DDX46: variants seen among roughly 807,000 people sequenced by gnomAD.
DDX46 encodes DEAD-box helicase 46.
In DDX46, 30 loss-of-function variants were observed where a neutral mutation model predicts 134.9. The observed-to-expected ratio is 0.22, with a 90% confidence interval of 0.17 to 0.30. DDX46 has a LOEUF of 0.30. Among genes scored for constraint, DDX46 ranks in the 10% least tolerant of loss-of-function variants. The pLI is 1.00. For missense variants in DDX46, 622 were observed against 1,248.7 expected, an observed-to-expected ratio of 0.50 and a Z score of 7.56; for synonymous variants, 415 against 404.1, an observed-to-expected ratio of 1.03 and a Z score of -0.32.
chr5:134,785,347 A>C, intron 10 of DDX46, 118 bp from the exon 11 acceptor site: 1 of 1,320,208 alleles, frequency 7.6e-7, no homozygotes, highest in Non-Finnish European at 9.9e-7. Context: ...AGGGATGCAT[A>C]ACAAAACAAA....
At chr5:134,820,466 G>T (rs193051942) in intron 21 of DDX46, among the ~76,000 whole-genome samples, 1 of 151,582 alleles carries the variant, frequency 6.6e-6, no homozygotes, top group South Asian at 2.1e-4. Context: ...GGTTTCACGC[G>T]ATTCTTGTGC....
intron 7 of DDX46, 112 bp downstream of exon 7, chr5:134,781,358 A>C: frequency 1.3e-6 from 1 of 774,672 alleles, no homozygotes. Context: ...AATTCCCAGA[A>C]TTGAGAGACA....
chr5:134,822,964 G>C (rs1453060300), intron 21 of DDX46, among the ~76,000 whole-genome samples: 1 of 152,094 alleles, frequency 6.6e-6, no homozygotes. Flanking sequence ...AGGAAATAAA[G>C]AGAAGCTACA....
At chr5:134,775,374 C>G (rs1753901980) in intron 5 of DDX46, among the ~76,000 whole-genome samples, 1 of 151,980 alleles carries the variant, frequency 6.6e-6, no homozygotes, top group African/African-American at 2.4e-5. Context: ...GGTCCATTGT[C>G]TGTGAAAGTT....
intron 13 of DDX46, among the ~76,000 whole-genome samples, chr5:134,793,438 CAG>C (rs1486345955): frequency 6.6e-6 from 1 of 152,038 alleles, no homozygotes; most frequent in African/African-American, 2.4e-5. Context: ...TATTTTGAGA[CAG>C]AGTTTCACTC....
intron 15 of DDX46, among the ~76,000 whole-genome samples, chr5:134,806,963 C>T (rs1755006053): frequency 6.6e-6 from 1 of 151,938 alleles, no homozygotes; most frequent in South Asian, 2.1e-4. Context: ...ATTCCTAAAA[C>T]TTTAATTTGC....
chr5:134,810,586 A>AC (rs1450705734), intron 16 of DDX46, among the ~76,000 whole-genome samples: 8 of 145,504 alleles, frequency 5.5e-5, no homozygotes, highest in East Asian at 2.2e-4. Context: ...CAAATGATCC[A>AC]CCCCCCCTTG....
At chr5:134,777,399 T>C (rs1753978589) in intron 5 of DDX46, among the ~76,000 whole-genome samples, 175 bp from the exon 6 acceptor site, 1 of 152,226 alleles carries the variant, frequency 6.6e-6, no homozygotes, top group Admixed American at 6.5e-5. Flanking sequence ...ACATGCTTCA[T>C]GTAAAAATGG....
intron 4 of DDX46, 45 bp downstream of exon 4, chr5:134,771,044 C>A: frequency 1.3e-6 from 1 of 752,688 alleles, no homozygotes; most frequent in Non-Finnish European, 2.1e-6. Context: ...TTCTTTTTGT[C>A]TTTCTTTCTT....
intron 19 of DDX46, 60 bp downstream of exon 19, chr5:134,816,666 T>G: frequency 6.6e-7 from 1 of 1,525,180 alleles, no homozygotes; most frequent in Non-Finnish European, 8.9e-7. Context: ...ATTTTACTTT[T>G]CAGGAATTAT....
chr5:134,782,622 C>A (rs565355903), intron 8 of DDX46, among the ~76,000 whole-genome samples: 3 of 152,044 alleles, frequency 2.0e-5, no homozygotes, highest in Admixed American at 1.3e-4. Context: ...CCACACCCCC[C>A]GTTCCCACCC....
chr5:134,783,124 A>G (rs936253831), intron 9 of DDX46, 59 bp downstream of exon 9: 6 of 1,572,694 alleles, frequency 3.8e-6, no homozygotes, highest in Admixed American at 3.6e-5. Flanking sequence ...TAGTCCTTCC[A>G]CACCAGTGTC....
intron 4 of DDX46, among the ~76,000 whole-genome samples, chr5:134,773,064 T>A (rs957232979): frequency 4.0e-5 from 6 of 151,842 alleles, no homozygotes; most frequent in Admixed American, 3.9e-4. Flanking sequence ...CTTCCCACAG[T>A]GCTGGGATTA....
At chr5:134,788,043 A>G (rs77072873) in intron 11 of DDX46, among the ~76,000 whole-genome samples, 1 of 151,704 alleles carries the variant, frequency 6.6e-6, no homozygotes, top group Non-Finnish European at 1.5e-5. Context: ...AAAAAAAAAA[A>G]AGCTGATTAT....
chr5:134,800,819 G>T (rs1754804555), intron 15 of DDX46, among the ~76,000 whole-genome samples: 1 of 152,154 alleles, frequency 6.6e-6, no homozygotes, highest in African/African-American at 2.4e-5. Flanking sequence ...GGGATTACCG[G>T]CATGTGCCAC....
intron 5 of DDX46, 100 bp from the exon 6 acceptor site, chr5:134,777,474 G>A: frequency 7.5e-7 from 1 of 1,339,946 alleles, no homozygotes; most frequent in Non-Finnish European, 1.0e-6. Context: ...AGGGGTGTTT[G>A]GGCAGTGGCA....
chr5:134,821,244 A>G (rs898159709), intron 21 of DDX46, among the ~76,000 whole-genome samples: 1 of 151,054 alleles, frequency 6.6e-6, no homozygotes, highest in Non-Finnish European at 1.5e-5. Flanking sequence ...GGATTTCACC[A>G]TGTTAGCCAG....
In DDX46 at chr5:134,777,613, A is replaced by G; in HGVS notation, c.653A>G (p.Asn218Ser). ...DDPAEAEKEG[N>S]EMEGEELDPL... ...CCTGCAGAAGCTGAAAAGGAGGGAA[A>G]TGAAATGGAGGGTGAGGAGTTAGAT... The change falls in exon 6 of 23, where the codon AAT (asparagine) becomes AGT (serine). Residue 218 changes from asparagine to serine, a missense_variant. Asn to Ser is a conservative substitution (Grantham distance 46, BLOSUM62 1). Around this residue, in one of 8 missense-constraint regions of DDX46, gnomAD observed 244 missense variants for 349.3 expected, o/e 0.70. Transcript: ENST00000452510. The G allele has an allele frequency of 6.2e-7, 1 of 1,613,562 alleles. No homozygotes were observed. The highest frequency in any genetic ancestry group is 1.1e-5 in the South Asian group (1 of 91,006).
intron 21 of DDX46, among the ~76,000 whole-genome samples, chr5:134,823,157 CTT>C (rs201053941): frequency 2.0e-4 from 22 of 111,214 alleles, no homozygotes; most frequent in African/African-American, 6.4e-4. Flanking sequence ...TTAATTTCAT[CTT>C]TTTTTTTTTT....
Sources: allele counts gnomAD v4.1 joint callset (sites outside exome capture counted in the v4.1 genomes callset), GRCh38; gene constraint gnomAD v4.1.1; regional missense constraint gnomAD v4.1.1; transcripts MANE v1.5; gene names NCBI Gene and HGNC (gene_info 2026-07-23, HGNC 2026-07-21).